The following SLC38A10 variants were observed in gnomAD, a reference collection of about 807,000 sequenced individuals.
SLC38A10 encodes Sodium-coupled neutral amino acid transporter 10.
Under a neutral mutation model 81.0 loss-of-function variants are expected in SLC38A10, and 53 were observed. That is an observed-to-expected ratio of 0.65 (90% CI 0.53 to 0.82). The LOEUF (loss-of-function observed/expected upper bound fraction) is 0.82. Ranked by LOEUF, SLC38A10 falls within the 40% of genes least tolerant of loss-of-function variation. SLC38A10 has a pLI of 0.00. For missense variants in SLC38A10, 1,471 were observed against 1,545.0 expected, an observed-to-expected ratio of 0.95 and a Z score of 0.80; for synonymous variants, 665 against 655.3, an observed-to-expected ratio of 1.01 and a Z score of -0.23.
rs549408533 is a variant in SLC38A10 at position 81,277,785 on chromosome 17, G to A, written c.627-652C>T. Among the ~76,000 whole-genome samples the A allele has an allele frequency of 6.6e-6, 1 of 152,370 alleles. No individual in the cohort carries two copies. Among genetic ancestry groups the A allele is most frequent in the South Asian group, 2.1e-4 (1 of 4,834 alleles). On this transcript the variant is annotated intron_variant, in intron 6 of 15. Transcript: ENST00000374759. The surrounding 1 kb of genome is among the most constrained non-coding windows in gnomAD (Gnocchi z 4.5). The stretch of plus-strand genomic sequence containing the variant: ...ATCCGAGGGACCTGCACAGGGACCT[G>A]GGCCTCTGGAAAGGGGTGGGCGAGA...
At position 81,276,711 on chromosome 17, in the gene SLC38A10, A is replaced by C. The variant is rs2146936202; in HGVS notation, c.729+320T>G. On this transcript the variant is annotated intron_variant, in intron 7 of 15. Coordinates refer to ENST00000374759, the MANE Select transcript of SLC38A10 (RefSeq NM_001037984.3). The surrounding 1 kb of genome is among the most constrained non-coding windows in gnomAD (Gnocchi z 4.7). ...GGCCGGAACATGCCCATTTCTACAG[A>C]GAATTAACAGAGGTCTTGGAGAGAG... is the stretch of plus-strand genomic sequence containing the variant. Among the ~76,000 whole-genome samples, 1 of 152,280 alleles carries C rather than the reference A, an allele frequency of 6.6e-6. No individual in the cohort carries two copies. Among genetic ancestry groups the C allele is most frequent in the Non-Finnish European group, 1.5e-5 (1 of 68,018 alleles).
intron 1 of SLC38A10, among the ~76,000 whole-genome samples, chr17:81,291,959 C>A (rs1388008211): frequency 6.6e-6 from 1 of 152,118 alleles, no homozygotes; most frequent in Non-Finnish European, 1.5e-5. Context: ...CCACAGAGTA[C>A]GCTCCTTAAT....
At chr17:81,258,952 G>A (rs1265661736) in intron 11 of SLC38A10, among the ~76,000 whole-genome samples, 3 of 152,196 alleles carry the variant, frequency 2.0e-5, no homozygotes, top group South Asian at 4.1e-4. Context: ...GCCCACCTTC[G>A]CCATCCGGGA....
At position 81,295,289 on chromosome 17, in the gene SLC38A10, C is replaced by G. The variant is rs2063340102; in HGVS notation, c.-368G>C. On this transcript the variant is annotated 5_prime_UTR_variant, in exon 1 of 16. Coordinates refer to ENST00000374759, the MANE Select transcript of SLC38A10 (RefSeq NM_001037984.3). Reference sequence around the variant, plus strand: ...ACACCTCAGCCCAACTCAGCTGCCGCCGCGGCGCTCACACTTCCGCCTTCC... The same window carrying G: ...ACACCTCAGCCCAACTCAGCTGCCGGCGCGGCGCTCACACTTCCGCCTTCC... The G allele has an allele frequency of 6.5e-6, 1 of 153,900 alleles. No individual in the cohort carries two copies. The allele number at this position is 153,900 out of a possible 1,614,324, so 9.5% of individuals were successfully genotyped here.
In SLC38A10 at chr17:81,246,633, G is replaced by A. The variant is rs1195940585; in HGVS notation, c.2283C>T (p.Gly761=). The A allele has an allele frequency of 6.6e-7, 1 of 1,514,118 alleles. No individual in the cohort carries two copies. Among genetic ancestry groups the A allele is most frequent in the African/African-American group, 1.4e-5 (1 of 71,628 alleles). 93.8% of individuals were successfully genotyped at this position (1,514,118 alleles called of 1,614,324 possible). ...HQEPGAAVPR[G]QEAPEGKARE... Reference sequence around the variant, plus strand: ...TGGCCTTGCCTTCAGGGGCCTCCTGGCCTCTGGGCACCGCTGCCCCGGGCT... The same window carrying A: ...TGGCCTTGCCTTCAGGGGCCTCCTGACCTCTGGGCACCGCTGCCCCGGGCT... Residue 761 remains glycine, a synonymous_variant, in exon 16 of 16, where the codon GGC becomes GGT. Coordinates refer to ENST00000374759, the MANE Select transcript of SLC38A10 (RefSeq NM_001037984.3).
At chr17:81,248,158 C>T (rs965582112) in intron 14 of SLC38A10, among the ~76,000 whole-genome samples, 8 of 152,006 alleles carry the variant, frequency 5.3e-5, no homozygotes, top group African/African-American at 1.2e-4. Context: ...GGGGTTTCAC[C>T]GTGTTAGCCA....
At chr17:81,247,185 G>A in intron 14 of SLC38A10, 124 bp from the exon 15 acceptor site, 1 of 984,614 alleles carries the variant, frequency 1.0e-6, no homozygotes, top group Non-Finnish European at 1.4e-6. Context: ...CCGAACACTG[G>A]CCACTGGTGA....
chr17:81,295,043 G>T lies in SLC38A10; in HGVS notation c.-122C>A. 7.4e-7 allele frequency: 1 copy of T among 1,354,346 alleles called. No individual in the cohort carries two copies. Among genetic ancestry groups the T allele is most frequent in the South Asian group, 1.7e-5 (1 of 59,826 alleles). The allele number at this position is 1,354,346 out of a possible 1,614,324, so 83.9% of individuals were successfully genotyped here. On this transcript the variant is annotated 5_prime_UTR_variant, in exon 1 of 16. Transcript: ENST00000374759. ...AACGTCCGGGACGCCGGTGGGGAGG[G>T]GATGGGCAGCCTGAACACGGGAGCC...
intron 1 of SLC38A10, among the ~76,000 whole-genome samples, chr17:81,290,773 C>T (rs111340054): frequency 1.7e-4 from 26 of 152,142 alleles, no homozygotes; most frequent in Admixed American, 9.2e-4. Flanking sequence ...TTTGGGAGGC[C>T]GAGGTGGGCA....
At chr17:81,260,157 A>T in intron 11 of SLC38A10, 81 bp downstream of exon 11, 1 of 1,485,886 alleles carries the variant, frequency 6.7e-7, no homozygotes, top group Non-Finnish European at 9.0e-7. Flanking sequence ...TGAGCAGGTA[A>T]GCACAATCCT....
chr17:81,289,939 C>G lies in SLC38A10; in HGVS notation c.100-131G>C, dbSNP rs1017586490. 1.0e-5 allele frequency: 7 copies of G among 697,694 alleles called. No homozygotes were observed. Among genetic ancestry groups the G allele is most frequent in the Admixed American group, 3.4e-5 (1 of 29,428 alleles). The allele number at this position is 697,694 out of a possible 1,614,324, so 43.2% of individuals were successfully genotyped here. A position where few individuals can be genotyped will look rare whatever the true frequency, so the allele number is the denominator to read the frequency against. ...CTCCATCCCAGTCTCCTGCCGAACG[C>G]GACACTTCCTAGCACTGAAAGGGCC... On this transcript the variant is annotated intron_variant, in intron 1 of 15. Coordinates refer to ENST00000374759, the MANE Select transcript of SLC38A10 (RefSeq NM_001037984.3). The surrounding 1 kb of genome is among the most constrained non-coding windows in gnomAD (Gnocchi z 5.9).
Position 81,272,620 on chromosome 17 carries a change from T to C in SLC38A10, c.920A>G (p.Asp307Gly), listed in dbSNP as rs369218010. Reference sequence around the variant, plus strand: ...GTAGCCCCCTGCTGCAAAGGTGCCATCTTTTTGCTGTACAAAAGAAAAACA... The same window carrying C: ...GTAGCCCCCTGCTGCAAAGGTGCCACCTTTTTGCTGTACAAAAGAAAAACA... ...STLLCEQQQK[D>G]GTFAAGGYMP... Residue 307 changes from aspartate to glycine, a missense_variant, in exon 9 of 16, where the codon GAT (aspartate) becomes GGT (glycine). By Grantham distance (94) the Asp-to-Gly change is moderately conservative. Transcript: ENST00000374759. 25 of 1,546,882 alleles carry C rather than the reference T, an allele frequency of 1.6e-5. No homozygotes were observed. The highest frequency in any genetic ancestry group is 1.8e-5 in the Non-Finnish European group (21 of 1,152,444).
At chr17:81,272,038 T>A (rs1210181567) in intron 9 of SLC38A10, among the ~76,000 whole-genome samples, 1 of 148,286 alleles carries the variant, frequency 6.7e-6, no homozygotes, top group Non-Finnish European at 1.5e-5. Flanking sequence ...GCTGCCAGAT[T>A]TTTTTTTTTT....
At position 81,265,948 on chromosome 17, in the gene SLC38A10, G is replaced by A. The variant is rs1238655076; in HGVS notation, c.1131+4970C>T. Among the ~76,000 whole-genome samples the A allele has an allele frequency of 6.6e-6, 1 of 152,266 alleles. No individual in the cohort carries two copies. Among genetic ancestry groups the A allele is most frequent in the Non-Finnish European group, 1.5e-5 (1 of 68,044 alleles). ...GCCAAACTGCGGTGAATGTGATTCA[G>A]TGCGCTTTCTAGCTTCCAAAAGACA... On this transcript the variant is annotated intron_variant, in intron 10 of 15. Coordinates refer to ENST00000374759, the MANE Select transcript of SLC38A10 (RefSeq NM_001037984.3). The surrounding 1 kb of genome is among the most constrained non-coding windows in gnomAD (Gnocchi z 4.2).
chr17:81,264,339 G>A (rs1176741286), intron 10 of SLC38A10: 6 of 152,316 alleles, frequency 3.9e-5, no homozygotes, highest in Non-Finnish European at 8.8e-5. Context: ...ACGGACCAGC[G>A]TGCCAGACAC....
chr17:81,266,951 T>G (rs1278355382), intron 10 of SLC38A10, among the ~76,000 whole-genome samples: 1 of 152,184 alleles, frequency 6.6e-6, no homozygotes, highest in Non-Finnish European at 1.5e-5. Context: ...AAACAAAGAC[T>G]ATGCAGAAAA....
Position 81,253,096 on chromosome 17 carries a change from G to C in SLC38A10, c.1433C>G (p.Ala478Gly). 6.2e-7 allele frequency: 1 copy of C among 1,613,562 alleles called. No individual in the cohort carries two copies. Reference protein sequence around the residue: ...REDGKEAPEEAQLDRPGQGIA... With the variant: ...REDGKEAPEEGQLDRPGQGIA... Reference sequence around the variant, plus strand: ...ACCTTGCCCAGGGCGATCGAGCTGTGCCTCCTCCGGTGCCTCCTTGCCATC... The same window carrying C: ...ACCTTGCCCAGGGCGATCGAGCTGTCCCTCCTCCGGTGCCTCCTTGCCATC... The change falls in exon 12 of 16, where the codon GCA (alanine) becomes GGA (glycine). Residue 478 changes from alanine (A) to glycine (G), a missense_variant. Physicochemically the swap from Ala to Gly is moderately conservative, Grantham distance 60 (BLOSUM62 0). This residue lies in a region of SLC38A10 where 720 missense variants were observed against 827.7 expected (regional missense o/e 0.87). Coordinates refer to ENST00000374759, the MANE Select transcript of SLC38A10 (RefSeq NM_001037984.3). This position sits in a 1 kb window ranked among gnomAD's most constrained non-coding sequence, Gnocchi z 4.1.
chr17:81,247,950 CTTTTTTT>C, intron 14 of SLC38A10, among the ~76,000 whole-genome samples: 1 of 73,102 alleles, frequency 1.4e-5, no homozygotes, highest in African/African-American at 6.1e-5. Flanking sequence ...CAAAAGCTGT[CTTTTTTT>C]TTTTTTTTTT....
intron 14 of SLC38A10, chr17:81,250,199 C>G: frequency 1.8e-6 from 2 of 1,136,830 alleles, no homozygotes; most frequent in Non-Finnish European, 2.3e-6. Context: ...GTTCAGGTAA[C>G]AGAGCATAGG....
Sources: allele counts gnomAD v4.1 joint callset (sites outside exome capture counted in the v4.1 genomes callset), GRCh38; gene constraint gnomAD v4.1.1; regional missense constraint gnomAD v4.1.1; non-coding constraint Gnocchi (gnomAD v3.1); transcripts MANE v1.5; gene names NCBI Gene and HGNC (gene_info 2026-07-23, HGNC 2026-07-21).